Variants in SNX18 observed in about 807,000 individuals in gnomAD.
SNX18 encodes the protein sorting nexin-18.
Under a neutral mutation model 48.7 loss-of-function variants are expected in SNX18, and 35 were observed. The observed-to-expected ratio is 0.72, with a 90% confidence interval of 0.55 to 0.95. The LOEUF is 0.95. Ranked by LOEUF, SNX18 falls within the 40% of genes least tolerant of loss-of-function variation. SNX18 has a pLI of 0.00. For synonymous variants in SNX18, 492 were observed against 384.7 expected (o/e 1.28, Z -3.26); for missense variants, 824 against 871.0 (o/e 0.95, Z 0.68).
In SNX18 at chr5:54,519,091, C is replaced by A; in HGVS notation, c.1139C>A (p.Thr380Lys). The A allele has an allele frequency of 6.2e-7, 1 of 1,614,040 alleles. No individual in the cohort carries two copies. Among genetic ancestry groups the A allele is most frequent in the Non-Finnish European group, 8.5e-7 (1 of 1,180,012 alleles). ...TGCGACGTCTTCCAGCACTTCCTGA[C>A]GTGCCCCAGCAGCACCGACGAGAAA... ...AQCDVFQHFL[T>K]CPSSTDEKAW... The change falls in exon 1 of 2, where the codon ACG (threonine) becomes AAG (lysine). Residue 380 changes from threonine (T) to lysine (K), a missense_variant. This residue lies in a region of SNX18 where 443 missense variants were observed against 503.6 expected (regional missense o/e 0.88). Coordinates refer to ENST00000381410, the MANE Select transcript of SNX18 (RefSeq NM_001102575.2).
At chr5:54,619,208 G>A in the SNX18 span, among the ~76,000 whole-genome samples, 1 of 151,956 alleles carries the variant, frequency 6.6e-6, no homozygotes, top group Non-Finnish European at 1.5e-5. Flanking sequence ...ATGACAGATG[G>A]TGCATTAAAA....
the SNX18 span, among the ~76,000 whole-genome samples, chr5:54,622,799 A>AT: frequency 1.3e-5 from 2 of 152,024 alleles, no homozygotes; most frequent in African/African-American, 4.8e-5. Flanking sequence ...TGTTATCCCC[A>AT]TTTTGCAAAC....
the SNX18 span, among the ~76,000 whole-genome samples, chr5:54,577,971 G>C: frequency 6.6e-6 from 1 of 152,194 alleles, no homozygotes; most frequent in Non-Finnish European, 1.5e-5. Context: ...CTGCAAGTTA[G>C]GTTGCTCATT....
At chr5:54,578,176 A>T in the SNX18 span, among the ~76,000 whole-genome samples, 1 of 152,184 alleles carries the variant, frequency 6.6e-6, no homozygotes, top group African/African-American at 2.4e-5. Flanking sequence ...ATCAGATCTG[A>T]TGACTTAATT....
At chr5:54,531,689 C>T (rs141433805) in intron 1 of SNX18, among the ~76,000 whole-genome samples, 3 of 152,294 alleles carry the variant, frequency 2.0e-5, no homozygotes, top group South Asian at 2.1e-4. Context: ...TCACAGCCAC[C>T]GGACACCTGG....
chr5:54,619,987 G>A, the SNX18 span, among the ~76,000 whole-genome samples: 1 of 152,094 alleles, frequency 6.6e-6, no homozygotes, highest in Non-Finnish European at 1.5e-5. Flanking sequence ...CTATTTGTTT[G>A]GGAACAAACG....
intron 1 of SNX18, among the ~76,000 whole-genome samples, chr5:54,529,449 A>G (rs957751594): frequency 1.3e-5 from 2 of 152,134 alleles, no homozygotes; most frequent in Non-Finnish European, 2.9e-5. Context: ...GTCCCTACAT[A>G]ATAACCTCAA....
chr5:54,527,850 G>A (rs933539979), intron 1 of SNX18, among the ~76,000 whole-genome samples: 2 of 152,188 alleles, frequency 1.3e-5, no homozygotes, highest in Admixed American at 1.3e-4. Flanking sequence ...TCTTGAAATA[G>A]ATTTATAAGA....
In SNX18 at chr5:54,546,117, C is replaced by A. The variant is rs1050145713; in HGVS notation, c.*2685C>A. 6.6e-6 allele frequency: 1 copy of A among 152,188 alleles called. No individual in the cohort carries two copies. The highest frequency in any genetic ancestry group is 2.4e-5 in the African/African-American group (1 of 41,450). 9.4% of individuals were successfully genotyped at this position (152,188 alleles called of 1,614,324 possible). On this transcript the variant is annotated 3_prime_UTR_variant, in exon 2 of 2. Coordinates refer to ENST00000381410, the MANE Select transcript of SNX18 (RefSeq NM_001102575.2). ...ACGCATTCAAAAGTGAAATGTAAAG[C>A]CAGTGCACGAATATTATAGTAATTG...
At chr5:54,579,213 C>T in the SNX18 span, among the ~76,000 whole-genome samples, 1 of 151,984 alleles carries the variant, frequency 6.6e-6, no homozygotes, top group African/African-American at 2.4e-5. Flanking sequence ...CATAGTAGCA[C>T]ACACCTATAG....
chr5:54,596,321 C>G, the SNX18 span, among the ~76,000 whole-genome samples: 1 of 149,472 alleles, frequency 6.7e-6, no homozygotes, highest in African/African-American at 2.6e-5. Context: ...CTATAGCTCT[C>G]CCCACCATCT....
At chr5:54,554,310 C>T in the SNX18 span, among the ~76,000 whole-genome samples, 1 of 152,144 alleles carries the variant, frequency 6.6e-6, no homozygotes, top group African/African-American at 2.4e-5. Flanking sequence ...GTGCCTGGAC[C>T]CCACTTTAGA....
At chr5:54,552,635 A>T in the SNX18 span, among the ~76,000 whole-genome samples, 1 of 152,144 alleles carries the variant, frequency 6.6e-6, no homozygotes, top group African/African-American at 2.4e-5. Context: ...CACGGTGGAG[A>T]CATCCTGGAC....
At chr5:54,630,877 C>T in the SNX18 span, among the ~76,000 whole-genome samples, 1 of 150,704 alleles carries the variant, frequency 6.6e-6, no homozygotes, top group South Asian at 2.1e-4. Flanking sequence ...ACATGCCAGC[C>T]AACATCTGGT....
rs1194455034 is a variant in SNX18 at position 54,545,103 on chromosome 5, T to C, written c.*1671T>C. Reference sequence around the variant, plus strand: ...TTTTAAGATCAGATTATCATTTTGATATTTGGTCAAAATTTTGTACCTTAG... The same window carrying C: ...TTTTAAGATCAGATTATCATTTTGACATTTGGTCAAAATTTTGTACCTTAG... On this transcript the variant is annotated 3_prime_UTR_variant, in exon 2 of 2. Coordinates refer to ENST00000381410, the MANE Select transcript of SNX18 (RefSeq NM_001102575.2). The C allele has an allele frequency of 6.6e-6, 1 of 152,218 alleles. No individual in the cohort carries two copies. The highest frequency in any genetic ancestry group is 2.4e-5 in the African/African-American group (1 of 41,468). 9.4% of individuals were successfully genotyped at this position (152,218 alleles called of 1,614,324 possible).
the SNX18 span, among the ~76,000 whole-genome samples, chr5:54,584,203 AG>A: frequency 0.068 from 10,268 of 152,110 alleles, 1,163 homozygotes; most frequent in African/African-American, 0.23. Flanking sequence ...GGCATGTGCC[AG>A]CACATCTGGT....
At chr5:54,600,325 A>G in the SNX18 span, among the ~76,000 whole-genome samples, 1 of 152,164 alleles carries the variant, frequency 6.6e-6, no homozygotes, top group Non-Finnish European at 1.5e-5. Context: ...AAGTCAAGAA[A>G]CAACAGATGC....
downstream of SNX18, among the ~76,000 whole-genome samples, chr5:54,547,057 T>C (rs192838296): frequency 6.7e-3 from 1,023 of 152,372 alleles, 12 homozygotes; most frequent in African/African-American, 0.018. Flanking sequence ...GTCTTGTATC[T>C]GCTTATCTTT....
At chr5:54,521,603 A>G (rs1762034436) in intron 1 of SNX18, among the ~76,000 whole-genome samples, 1 of 152,168 alleles carries the variant, frequency 6.6e-6, no homozygotes, top group Non-Finnish European at 1.5e-5. Context: ...AGGGAGGCTG[A>G]GGCTGGAGGA....
Sources: allele counts gnomAD v4.1 joint callset (sites outside exome capture counted in the v4.1 genomes callset), GRCh38; gene constraint gnomAD v4.1.1; regional missense constraint gnomAD v4.1.1; transcripts MANE v1.5; gene names NCBI Gene and HGNC (gene_info 2026-07-23, HGNC 2026-07-21).